The following MYCN variants were observed in gnomAD, a reference collection of about 807,000 sequenced individuals.
The protein encoded by MYCN is N-myc proto-oncogene protein.
In MYCN, 3 loss-of-function variants were observed where a neutral mutation model predicts 28.1. That is an observed-to-expected ratio of 0.11 (90% confidence interval 0.05 to 0.28). The LOEUF is 0.28. Ranked by LOEUF, MYCN falls within the 10% of genes least tolerant of loss-of-function variation. MYCN has a pLI of 1.00. For missense variants in MYCN, 572 were observed against 651.4 expected (o/e 0.88, Z 1.33); for synonymous variants, 326 against 288.3 (o/e 1.13, Z -1.32).
chr2:15,942,447 G>A lies in MYCN; in HGVS notation c.383G>A (p.Arg128His), dbSNP rs771914958. The change falls in exon 2 of 3, where the codon CGC (arginine) becomes CAC (histidine). Residue 128 changes from arginine to histidine, a missense_variant. Coordinates refer to ENST00000281043, the MANE Select transcript of MYCN (RefSeq NM_005378.6). The surrounding 1 kb of genome is among the most constrained non-coding windows in gnomAD (Gnocchi z 7.0). ...SGFSAREKLE[R>H]AVSEKLQHGR... ...TTCTCCGCCCGCGAGAAGCTGGAGC[G>A]CGCCGTGAGCGAGAAGCTGCAGCAC... 5 of 1,595,320 alleles carry A rather than the reference G, an allele frequency of 3.1e-6. No homozygotes were observed. The highest frequency in any genetic ancestry group is 3.4e-5 in the Admixed American group (2 of 59,638).
In MYCN at chr2:15,942,696, G is replaced by T; in HGVS notation, c.632G>T (p.Ser211Ile). 1 of 1,184,966 alleles carries T rather than the reference G, an allele frequency of 8.4e-7. No homozygotes were observed. 73.4% of individuals were successfully genotyped at this position (1,184,966 alleles called of 1,614,324 possible). ...GCGCCCGTGCCCGCAGCCCCGGCCA[G>T]TGCCCCGGCGGCGGGCCCTGCGGTC... The part of the protein sequence containing the change: ...EPAPVPAAPA[S>I]APAAGPAVAS... The change falls in exon 2 of 3, where the codon AGT (serine) becomes ATT (isoleucine). Residue 211 changes from serine (S) to isoleucine (I), a missense_variant. Coordinates refer to ENST00000281043, the MANE Select transcript of MYCN (RefSeq NM_005378.6). This position sits in a 1 kb window ranked among gnomAD's most constrained non-coding sequence, Gnocchi z 7.0.
rs2103320706 is a variant in MYCN at position 15,940,973 on chromosome 2, C to G, written c.-118+230C>G. The G allele has an allele frequency of 1.5e-5, 6 of 390,894 alleles. No individual in the cohort carries two copies. The East Asian group carries it at 1.8e-4, about 12-fold the overall frequency. The allele number at this position is 390,894 out of a possible 1,614,324, so 24.2% of individuals were successfully genotyped here. ...CGCCCTAATCCTTTTGCAGCCCTTA[C>G]CGGGGGGAGTAATGGCTTCTGCGAA... On this transcript the variant is annotated intron_variant, in intron 1 of 2. Coordinates refer to ENST00000281043, the MANE Select transcript of MYCN (RefSeq NM_005378.6).
rs1662639617 is a variant in MYCN, at chr2:15,941,039, G to A, written c.-118+296G>A. 2 of 293,322 alleles carry A rather than the reference G, an allele frequency of 6.8e-6. No individual in the cohort carries two copies. Among genetic ancestry groups the A allele is most frequent in the African/African-American group, 4.3e-5 (2 of 46,274 alleles). The allele number at this position is 293,322 out of a possible 1,614,324, so 18.2% of individuals were successfully genotyped here. ...CTCTAGAAGATCTGTCTGTGTTTGA[G>A]CTGTCGGAGAGCCGGTGCGTCCCCA... On this transcript the variant is annotated intron_variant, in intron 1 of 2. Transcript: ENST00000281043. This position sits in a 1 kb window ranked among gnomAD's most constrained non-coding sequence, Gnocchi z 4.8.
Position 15,945,436 on chromosome 2 carries a change from T to C in MYCN, c.791-57T>C, listed in dbSNP as rs758738700. ...AAGCATACATATTAACATGGATATA[T>C]ATGTGAATTTCATTCAAATGGTTCT... On this transcript the variant is annotated intron_variant, in intron 2 of 2. Coordinates refer to ENST00000281043, the MANE Select transcript of MYCN (RefSeq NM_005378.6). The surrounding 1 kb of genome is among the most constrained non-coding windows in gnomAD (Gnocchi z 4.8). 6.5e-7 allele frequency: 1 copy of C among 1,543,106 alleles called. No individual in the cohort carries two copies. The highest frequency in any genetic ancestry group is 8.8e-7 in the Non-Finnish European group (1 of 1,138,632).
At position 15,941,656 on chromosome 2, in the gene MYCN, C is replaced by T; in HGVS notation, c.-117-292C>T. ...TTCTGCAGCCAGGAACAGCCCCCTCCCCCAGGCAGTGCCTTGTGTGAATGA... is the reference window on the plus strand; with the variant it reads ...TTCTGCAGCCAGGAACAGCCCCCTCTCCCAGGCAGTGCCTTGTGTGAATGA... On this transcript the variant is annotated intron_variant, in intron 1 of 2. Coordinates refer to ENST00000281043, the MANE Select transcript of MYCN (RefSeq NM_005378.6). This position sits in a 1 kb window ranked among gnomAD's most constrained non-coding sequence, Gnocchi z 4.8. 1 of 311,912 alleles carries T rather than the reference C, an allele frequency of 3.2e-6. No individual in the cohort carries two copies. Among genetic ancestry groups the T allele is most frequent in the South Asian group, 4.2e-5 (1 of 23,752 alleles). 19.3% of individuals were successfully genotyped at this position (311,912 alleles called of 1,614,324 possible).
rs1414236959 is a variant in MYCN, at chr2:15,945,695, C to T, written c.993C>T (p.Asn331=). ...GCCTTCCCATCCACCAGCAGCACAACTATGCCGCCCCCTCTCCCTACGTGG... is the reference window on the plus strand; with the variant it reads ...GCCTTCCCATCCACCAGCAGCACAATTATGCCGCCCCCTCTCCCTACGTGG... The part of the protein sequence containing the change: ...KRCLPIHQQH[N]YAAPSPYVES... The change falls in exon 3 of 3, where the codon AAC becomes AAT. Residue 331 remains asparagine (N), a synonymous_variant. Transcript: ENST00000281043. This position sits in a 1 kb window ranked among gnomAD's most constrained non-coding sequence, Gnocchi z 4.8. 6.2e-6 allele frequency: 10 copies of T among 1,614,028 alleles called. No individual in the cohort carries two copies. Among genetic ancestry groups the T allele is most frequent in the Admixed American group, 5.0e-5 (3 of 60,006 alleles).
rs1273075551 is a variant in MYCN at position 15,942,651 on chromosome 2, C to T, written c.587C>T (p.Pro196Leu). The T allele has an allele frequency of 8.6e-7, 1 of 1,161,462 alleles. No individual in the cohort carries two copies. The allele number at this position is 1,161,462 out of a possible 1,614,324, so 71.9% of individuals were successfully genotyped here. A position where few individuals can be genotyped will look rare whatever the true frequency, so the allele number is the denominator to read the frequency against. ...GATCCCGCCGTGGTCTTCCCCTTTC[C>T]CGTGAACAAGCGCGAGCCAGCGCCC... ...CVDPAVVFPF[P>L]VNKREPAPVP... The change falls in exon 2 of 3, where the codon CCC (proline) becomes CTC (leucine). Residue 196 changes from proline (P) to leucine (L), a missense_variant. Around this residue, in one of 3 missense-constraint regions of MYCN, gnomAD observed 499 missense variants for 524.3 expected, o/e 0.95. Coordinates refer to ENST00000281043, the MANE Select transcript of MYCN (RefSeq NM_005378.6). This position sits in a 1 kb window ranked among gnomAD's most constrained non-coding sequence, Gnocchi z 7.0.
rs1662745493 is a variant in MYCN at position 15,942,873 on chromosome 2, T to C, written c.790+19T>C. The stretch of plus-strand genomic sequence containing the variant: ...GATTCAGGTAAAGACCGAACTCGGG[T>C]CCGGCTGCCTCCCTGGGGCACTGGA... On this transcript the variant is annotated intron_variant, in intron 2 of 2. Coordinates refer to ENST00000281043, the MANE Select transcript of MYCN (RefSeq NM_005378.6). This position sits in a 1 kb window ranked among gnomAD's most constrained non-coding sequence, Gnocchi z 7.0. 1.3e-6 allele frequency: 2 copies of C among 1,571,594 alleles called. No individual in the cohort carries two copies. The highest frequency in any genetic ancestry group is 8.6e-7 in the Non-Finnish European group (1 of 1,164,750).
chr2:15,942,541 T>C lies in MYCN; in HGVS notation c.477T>C (p.Gly159=), dbSNP rs2103325133. ...GAGCCGGCGCCGCCAGCCCTGCGGG[T>C]CGCGGGCACGGCGGGGCTGCGGGAG... ...SPGAGAASPA[G]RGHGGAAGAG... The change falls in exon 2 of 3, where the codon GGT becomes GGC. Residue 159 remains glycine, a synonymous_variant. Transcript: ENST00000281043. The surrounding 1 kb of genome is among the most constrained non-coding windows in gnomAD (Gnocchi z 7.0). 1 of 1,287,990 alleles carries C rather than the reference T, an allele frequency of 7.8e-7. No homozygotes were observed. Among genetic ancestry groups the C allele is most frequent in the East Asian group, 3.2e-5 (1 of 31,234 alleles). 79.8% of individuals were successfully genotyped at this position (1,287,990 alleles called of 1,614,324 possible). A position where few individuals can be genotyped will look rare whatever the true frequency, so the allele number is the denominator to read the frequency against.
rs1662637657 is a variant in MYCN, at chr2:15,941,017, TAGA to T, written c.-118+278_-118+280del. On this transcript the variant is annotated intron_variant, in intron 1 of 2. Coordinates refer to ENST00000281043, the MANE Select transcript of MYCN (RefSeq NM_005378.6). The surrounding 1 kb of genome is among the most constrained non-coding windows in gnomAD (Gnocchi z 4.8). Reference sequence around the variant, plus strand: ...CTGCGAAAAGAAATTCCCTCGGCTCTAGAAGATCTGTCTGTGTTTGAGCTGTCG... The same window carrying T: ...CTGCGAAAAGAAATTCCCTCGGCTCTAGATCTGTCTGTGTTTGAGCTGTCG... The T allele has an allele frequency of 3.0e-6, 1 of 337,060 alleles. No homozygotes were observed. Among genetic ancestry groups the T allele is most frequent in the Non-Finnish European group, 5.3e-6 (1 of 187,982 alleles). 20.9% of individuals were successfully genotyped at this position (337,060 alleles called of 1,614,324 possible). A position where few individuals can be genotyped will look rare whatever the true frequency, so the allele number is the denominator to read the frequency against.
rs1662867016 is a variant in MYCN, at chr2:15,946,118, G to A, written c.*21G>A. 3 of 1,614,106 alleles carry A rather than the reference G, an allele frequency of 1.9e-6. No individual in the cohort carries two copies. The highest frequency in any genetic ancestry group is 2.5e-6 in the Non-Finnish European group (3 of 1,180,048). ...GCTAGACGCTTCTCAAAACTGGACA[G>A]TCACTGCCACTTTGCACATTTTGAT... On this transcript the variant is annotated 3_prime_UTR_variant, in exon 3 of 3. Coordinates refer to ENST00000281043, the MANE Select transcript of MYCN (RefSeq NM_005378.6).
Position 15,942,001 on chromosome 2 carries a change from AC to A in MYCN, c.-59del, listed in dbSNP as rs2103322804. On this transcript the variant is annotated 5_prime_UTR_variant, in exon 2 of 3. Coordinates refer to ENST00000281043, the MANE Select transcript of MYCN (RefSeq NM_005378.6). The surrounding 1 kb of genome is among the most constrained non-coding windows in gnomAD (Gnocchi z 7.0). ...TCCGCGCCCCCCACGGGAAGGAAGC[AC>A]CCCCGGTATTAAAACGAACGGGGCG... 1.2e-6 allele frequency: 2 copies of A among 1,601,790 alleles called. No individual in the cohort carries two copies. Among genetic ancestry groups the A allele is most frequent in the South Asian group, 1.1e-5 (1 of 89,774 alleles).
chr2:15,946,230 C>T lies in MYCN; in HGVS notation c.*133C>T, dbSNP rs2103332704. ...CCTGTCGAGTTCGGCTCTGGGTGGG[C>T]AGTAGGACCACCAGTGTGGGGTTCT... On this transcript the variant is annotated 3_prime_UTR_variant, in exon 3 of 3. Coordinates refer to ENST00000281043, the MANE Select transcript of MYCN (RefSeq NM_005378.6). 1 of 1,293,524 alleles carries T rather than the reference C, an allele frequency of 7.7e-7. No homozygotes were observed. The highest frequency in any genetic ancestry group is 1.5e-5 in the African/African-American group (1 of 68,132). 80.1% of individuals were successfully genotyped at this position (1,293,524 alleles called of 1,614,324 possible). A position where few individuals can be genotyped will look rare whatever the true frequency, so the allele number is the denominator to read the frequency against.
rs573100118 is a variant in MYCN at position 15,941,554 on chromosome 2, G to C, written c.-117-394G>C. 2.0e-5 allele frequency: 4 copies of C among 199,514 alleles called. No homozygotes were observed. The highest frequency in any genetic ancestry group is 1.3e-4 in the South Asian group (1 of 7,604). 12.4% of individuals were successfully genotyped at this position (199,514 alleles called of 1,614,324 possible). The stretch of plus-strand genomic sequence containing the variant: ...TACCATTCCCGGTAGCTGGGTCGGA[G>C]AGCCTGGGGCTTCCCCTGAGCAGCC... On this transcript the variant is annotated intron_variant, in intron 1 of 2. Transcript: ENST00000281043. This position sits in a 1 kb window ranked among gnomAD's most constrained non-coding sequence, Gnocchi z 4.8.
chr2:15,943,070 C>T (rs138991087), intron 2 of MYCN, among the ~76,000 whole-genome samples: 1,881 of 152,350 alleles, frequency 0.012, 43 homozygotes, highest in African/African-American at 0.041. Context: ...CTCGCCTTCA[C>T]TAAAGTTCCT....
chr2:15,946,959 C>G lies in MYCN; in HGVS notation c.*862C>G, dbSNP rs571270203. 9.8e-6 allele frequency: 2 copies of G among 205,054 alleles called. No homozygotes were observed. Among genetic ancestry groups the G allele is most frequent in the Admixed American group, 5.9e-5 (1 of 16,822 alleles). 12.7% of individuals were successfully genotyped at this position (205,054 alleles called of 1,614,324 possible). ...ATATTTAGTGCTGCATCTTATAGCA[C>G]TTTGAAATACCTCATGTTTATGAAA... is the stretch of plus-strand genomic sequence containing the variant. On this transcript the variant is annotated 3_prime_UTR_variant, in exon 3 of 3. Transcript: ENST00000281043.
rs190053841 is a variant in MYCN, at chr2:15,945,923, C to T, written c.1221C>T (p.His407=). The part of the protein sequence containing the change: ...LRSSFLTLRD[H]VPELVKNEKA... ...CCAGCTTTCTCACGCTCAGGGACCACGTGCCGGAGTTGGTAAAGAATGAGA... is the reference window on the plus strand; with the variant it reads ...CCAGCTTTCTCACGCTCAGGGACCATGTGCCGGAGTTGGTAAAGAATGAGA... The change falls in exon 3 of 3, where the codon CAC becomes CAT. Residue 407 remains histidine (H), a synonymous_variant. Coordinates refer to ENST00000281043, the MANE Select transcript of MYCN (RefSeq NM_005378.6). This position sits in a 1 kb window ranked among gnomAD's most constrained non-coding sequence, Gnocchi z 4.8. The T allele has an allele frequency of 2.9e-5, 47 of 1,614,094 alleles. No individual in the cohort carries two copies. The highest frequency in any genetic ancestry group is 1.6e-4 in the Middle Eastern group (1 of 6,062).
At position 15,942,479 on chromosome 2, in the gene MYCN, G is replaced by C; in HGVS notation, c.415G>C (p.Gly139Arg). 2.6e-6 allele frequency: 4 copies of C among 1,563,520 alleles called. No homozygotes were observed. Among genetic ancestry groups the C allele is most frequent in the Non-Finnish European group, 3.4e-6 (4 of 1,160,592 alleles). The change falls in exon 2 of 3, where the codon GGG becomes CGG. Residue 139 changes from glycine (G) to arginine (R), a missense_variant. Transcript: ENST00000281043. The surrounding 1 kb of genome is among the most constrained non-coding windows in gnomAD (Gnocchi z 7.0). The stretch of plus-strand genomic sequence containing the variant: ...GAGCGAGAAGCTGCAGCACGGCCGC[G>C]GGCCGCCAACCGCCGGTTCCACCGC... ...AVSEKLQHGR[G>R]PPTAGSTAQS...
In MYCN at chr2:15,941,720, C is replaced by G. The variant is rs1475061212; in HGVS notation, c.-117-228C>G. On this transcript the variant is annotated intron_variant, in intron 1 of 2. Transcript: ENST00000281043. The surrounding 1 kb of genome is among the most constrained non-coding windows in gnomAD (Gnocchi z 4.8). ...AAAGTTGCGGAGCCTCGCCACCACC[C>G]CCTGCATCTGCATGCCCCCTCCCAC... 4.5e-6 allele frequency: 2 copies of G among 442,216 alleles called. No homozygotes were observed. The highest frequency in any genetic ancestry group is 8.2e-6 in the Non-Finnish European group (2 of 242,786). 27.4% of individuals were successfully genotyped at this position (442,216 alleles called of 1,614,324 possible). A position where few individuals can be genotyped will look rare whatever the true frequency, so the allele number is the denominator to read the frequency against.
Sources: gnomAD v4.1 joint callset for allele counts (sites outside exome capture counted in the v4.1 genomes callset) on GRCh38, gnomAD v4.1.1 for gene constraint, gnomAD v4.1.1 regional missense constraint, Gnocchi (gnomAD v3.1) non-coding constraint, MANE v1.5 for transcripts, NCBI Gene and HGNC (gene_info 2026-07-23, HGNC 2026-07-21) for gene names.